The following MTMR1 variants were observed in gnomAD, a reference collection of about 807,000 sequenced individuals.
MTMR1 encodes the protein myotubularin related protein 1.
MTMR1 carries 17 observed loss-of-function variants against 51.6 expected under a neutral mutation model. The ratio of observed to expected loss-of-function variants is 0.33; its 90% CI spans 0.23 to 0.49. The LOEUF (loss-of-function observed/expected upper bound fraction) is 0.49. MTMR1 is among the 20% of genes least tolerant of loss of function. The pLI is 0.99. For missense variants in MTMR1, 386 were observed against 526.9 expected (o/e 0.73, Z 2.62); for synonymous variants, 201 against 205.6 (o/e 0.98, Z 0.19).
intron 3 of MTMR1, 98 bp from the exon 4 acceptor site, chrX:150,718,527 G>A: frequency 9.8e-7 from 1 of 1,021,531 alleles, no homozygotes. Context: ...TGACATCACA[G>A]AACACCGAAA....
chrX:150,737,177 T>C, intron 11 of MTMR1, 65 bp from the exon 12 acceptor site: 2 of 1,055,885 alleles, frequency 1.9e-6, no homozygotes, highest in South Asian at 4.0e-5. Context: ...AGAATTATTT[T>C]ACATTGTTTT....
chrX:150,755,565 T>G, intron 14 of MTMR1, 124 bp from the exon 15 acceptor site: 1 of 509,072 alleles, frequency 2.0e-6, no homozygotes, highest in Non-Finnish European at 3.1e-6. Context: ...TGGGACCTAG[T>G]AGACATTCAT....
At chrX:150,755,217 A>AT (rs1165168706) in intron 14 of MTMR1, among the ~76,000 whole-genome samples, 2 of 109,890 alleles carry the variant, frequency 1.8e-5, no homozygotes, top group Non-Finnish European at 3.8e-5. Flanking sequence ...CTTTAAATTT[A>AT]TTTTTTTTGT....
At chrX:150,760,291 G>A (rs1157851828) in intron 15 of MTMR1, among the ~76,000 whole-genome samples, 1 of 98,025 alleles carries the variant, frequency 1.0e-5, no homozygotes, top group African/African-American at 3.4e-5. Flanking sequence ...GCCAGGTGAG[G>A]CAGAGAGAAG....
At chrX:150,734,221 A>G (rs1311000713) in intron 10 of MTMR1, among the ~76,000 whole-genome samples, 1 of 112,691 alleles carries the variant, frequency 8.9e-6, no homozygotes, top group African/African-American at 3.2e-5. Flanking sequence ...ACTTGTGATG[A>G]CATTTAGGTT....
Position 150,759,911 on chromosome X carries a change from G to A in MTMR1, c.1858-2654G>A, listed in dbSNP as rs908092093. Among the ~76,000 whole-genome samples, 8 of 109,510 alleles carry A rather than the reference G, an allele frequency of 7.3e-5. 1 individual carries two copies. The South Asian group carries it at 1.5e-3, about 20-fold the overall frequency. ...TGGTTGAAATCTTGCTGCCCAGTGCGTGTAGTTGTGGAAGGATGCCCCCGA... is the reference window on the plus strand; with the variant it reads ...TGGTTGAAATCTTGCTGCCCAGTGCATGTAGTTGTGGAAGGATGCCCCCGA... On this transcript the variant is annotated intron_variant, in intron 15 of 15. Coordinates refer to ENST00000445323, the MANE Select transcript of MTMR1 (RefSeq NM_001306144.3).
In MTMR1 at chrX:150,702,158, G is replaced by A. The variant is rs1722428883; in HGVS notation, c.252+2858G>A. Among the ~76,000 whole-genome samples the A allele has an allele frequency of 4.8e-5, 5 of 104,963 alleles. No individual in the cohort carries two copies. The Admixed American group carries it at 5.2e-4, about 11-fold the overall frequency. The allele number at this position is 104,963 out of a possible 115,157, so 91.1% of individuals were successfully genotyped here. A position where few individuals can be genotyped will look rare whatever the true frequency, so the allele number is the denominator to read the frequency against. ...GCTGGTCTTGAACTCCTGGGCTCGA[G>A]CGATCCTCCCATCTCGGCCTCCCAA... On this transcript the variant is annotated intron_variant, in intron 2 of 15. Coordinates refer to ENST00000445323, the MANE Select transcript of MTMR1 (RefSeq NM_001306144.3).
intron 3 of MTMR1, among the ~76,000 whole-genome samples, chrX:150,715,120 C>T (rs1481403567): frequency 1.8e-5 from 2 of 111,931 alleles, no homozygotes; most frequent in African/African-American, 6.5e-5. Flanking sequence ...CCCAGGTGCT[C>T]AGCTGCACCA....
chrX:150,718,864 A>G (rs782712659), intron 4 of MTMR1, among the ~76,000 whole-genome samples, 164 bp downstream of exon 4: 2 of 110,315 alleles, frequency 1.8e-5, no homozygotes, highest in South Asian at 7.8e-4. Context: ...ATGACCTAAG[A>G]GATAGAAGAC....
chrX:150,695,625 G>T, intron 1 of MTMR1, among the ~76,000 whole-genome samples: 1 of 111,906 alleles, frequency 8.9e-6, no homozygotes, highest in Non-Finnish European at 1.9e-5. Flanking sequence ...GGTGGAGCAG[G>T]GTTAGAAAAT....
Position 150,718,614 on chromosome X carries a change from T to TCCAGGC in MTMR1, c.277-11_277-10insCCAGGC. ...TTTTTTTTTTTTTTTTTTTTTTTTT[T>TCCAGGC]TTTTTGCCAGGCTCTAAGGGATGGA... On this transcript the variant is annotated splice_polypyrimidine_tract_variant and intron_variant, in intron 3 of 15. Transcript: ENST00000445323. 1 of 668,074 alleles carries TCCAGGC rather than the reference T, an allele frequency of 1.5e-6. No homozygotes were observed. The highest frequency in any genetic ancestry group is 2.0e-6 in the Non-Finnish European group (1 of 490,042). 55.1% of individuals were successfully genotyped at this position (668,074 alleles called of 1,213,427 possible).
chrX:150,706,493 G>A (rs1557416073), intron 2 of MTMR1, among the ~76,000 whole-genome samples: 3 of 111,865 alleles, frequency 2.7e-5, no homozygotes. Context: ...GATGTGATTT[G>A]CAAATATTTT....
intron 12 of MTMR1, among the ~76,000 whole-genome samples, chrX:150,743,181 A>G (rs2042482540): frequency 9.0e-6 from 1 of 110,882 alleles, no homozygotes; most frequent in Admixed American, 9.6e-5. Context: ...AGGTGGGAGG[A>G]TCTCTTGAGG....
intron 10 of MTMR1, among the ~76,000 whole-genome samples, chrX:150,735,001 G>A (rs1347242487): frequency 1.8e-5 from 2 of 112,082 alleles, no homozygotes; most frequent in African/African-American, 3.2e-5. Flanking sequence ...AGTGCCTAGT[G>A]TCCGTATAAG....
intron 7 of MTMR1, 78 bp downstream of exon 7, chrX:150,730,288 C>T: frequency 1.3e-6 from 1 of 752,602 alleles, no homozygotes; most frequent in South Asian, 3.7e-5. Context: ...TTCCTTTTTC[C>T]AGAGGTTTTT....
At chrX:150,715,851 CAT>C (rs1393771448) in intron 3 of MTMR1, among the ~76,000 whole-genome samples, 1 of 112,628 alleles carries the variant, frequency 8.9e-6, no homozygotes, top group Non-Finnish European at 1.9e-5. Flanking sequence ...GTCTCACTGA[CAT>C]ATAAATGCAC....
intron 13 of MTMR1, among the ~76,000 whole-genome samples, chrX:150,747,830 A>G (rs1016680269): frequency 1.3e-4 from 15 of 111,545 alleles, no homozygotes; most frequent in African/African-American, 4.6e-4. Flanking sequence ...CTGACTCTAG[A>G]ACACACCTTT....
At chrX:150,724,898 C>G (rs2041878559) in intron 4 of MTMR1, among the ~76,000 whole-genome samples, 1 of 111,386 alleles carries the variant, frequency 9.0e-6, no homozygotes, top group African/African-American at 3.3e-5. Flanking sequence ...AGGTGTGCAC[C>G]CTTATTTCTG....
intron 2 of MTMR1, among the ~76,000 whole-genome samples, chrX:150,711,662 C>A (rs1257346161): frequency 2.7e-5 from 3 of 112,444 alleles, no homozygotes; most frequent in Non-Finnish European, 5.6e-5. Flanking sequence ...GGCTTTCCCT[C>A]CTCTCCGGGA....
Sources: gnomAD v4.1 joint callset for allele counts (sites outside exome capture counted in the v4.1 genomes callset) on GRCh38, gnomAD v4.1.1 for gene constraint, MANE v1.5 for transcripts, NCBI Gene and HGNC (gene_info 2026-07-23, HGNC 2026-07-21) for gene names.